CRYL1: variants seen among roughly 807,000 people sequenced by gnomAD.
CRYL1 encodes lambda-crystallin homolog.
CRYL1 carries 29 observed loss-of-function variants against 36.6 expected under a neutral mutation model. The ratio of observed to expected loss-of-function variants is 0.79; its 90% CI spans 0.59 to 1.08. The LOEUF is 1.08. CRYL1 is among the 50% of genes least tolerant of loss of function. The probability of loss-of-function intolerance (pLI) is 0.00; values close to 1 mark genes in which losing one functional copy is unlikely to be tolerated. For synonymous variants in CRYL1, 152 were observed against 151.5 expected (o/e 1.00, Z -0.02); for missense variants, 411 against 407.9 (o/e 1.01, Z -0.06).
intron 2 of CRYL1, among the ~76,000 whole-genome samples, chr13:20,494,546 TC>T (rs1343639959): frequency 6.6e-6 from 1 of 152,178 alleles, no homozygotes; most frequent in East Asian, 1.9e-4. Context: ...AACCATTGCA[TC>T]CTTTAGGAAA....
intron 3 of CRYL1, among the ~76,000 whole-genome samples, chr13:20,453,632 A>C (rs1223821914): frequency 2.6e-5 from 4 of 152,118 alleles, no homozygotes; most frequent in Non-Finnish European, 1.5e-5. Context: ...CAAAGAAAGG[A>C]AGAAGAAAAC....
intron 3 of CRYL1, among the ~76,000 whole-genome samples, chr13:20,485,759 T>A (rs1012626703): frequency 6.6e-6 from 1 of 151,800 alleles, no homozygotes; most frequent in African/African-American, 2.4e-5. Flanking sequence ...AATGAACTGC[T>A]GATTCTTTTT....
At chr13:20,407,134 A>C (rs907192651) in intron 6 of CRYL1, among the ~76,000 whole-genome samples, 18 of 151,102 alleles carry the variant, frequency 1.2e-4, no homozygotes, top group African/African-American at 3.9e-4. Context: ...GCTGGAATTC[A>C]TAATAGTGCA....
rs570709211 is a variant in CRYL1, at chr13:20,428,834, A to G, written c.633+3268T>C. Among the ~76,000 whole-genome samples the G allele has an allele frequency of 3.9e-5, 6 of 152,312 alleles. No individual in the cohort carries two copies. The South Asian group carries it at 1.2e-3, about 32-fold the overall frequency. On this transcript the variant is annotated intron_variant, in intron 5 of 7. Transcript: ENST00000298248. Reference sequence around the variant, plus strand: ...ACCCAGTACCCACACGCCTGGACACAGGCACACAGCTCATTTCCAGCAGGC... The same window carrying G: ...ACCCAGTACCCACACGCCTGGACACGGGCACACAGCTCATTTCCAGCAGGC...
chr13:20,496,663 C>A (rs1176224930), intron 2 of CRYL1, among the ~76,000 whole-genome samples: 1 of 117,834 alleles, frequency 8.5e-6, no homozygotes, highest in Non-Finnish European at 1.8e-5. Flanking sequence ...ATAATCCCAA[C>A]ACTTTGGGAG....
intron 4 of CRYL1, among the ~76,000 whole-genome samples, chr13:20,438,264 T>A (rs1315083175): frequency 1.3e-5 from 2 of 152,206 alleles, no homozygotes; most frequent in East Asian, 3.9e-4. Flanking sequence ...CTCCACATTC[T>A]AAATGGCTCT....
rs768602913 is a variant in CRYL1 at position 20,426,732 on chromosome 13, C to T, written c.633+5370G>A. On this transcript the variant is annotated intron_variant, in intron 5 of 7. Transcript: ENST00000298248. The stretch of plus-strand genomic sequence containing the variant: ...ATTTTACTACATGATCTTTGAGATA[C>T]ACTTCATTAACTAAAACAATGTCTC... The T allele has an allele frequency of 1.7e-5, 17 of 985,356 alleles. No homozygotes were observed. In the Admixed American group the frequency reaches 2.5e-4, roughly 14 times the overall value. 61.0% of individuals were successfully genotyped at this position (985,356 alleles called of 1,614,324 possible).
chr13:20,404,784 AC>A, intron 6 of CRYL1, 43 bp from the exon 7 acceptor site: 1 of 1,357,362 alleles, frequency 7.4e-7, no homozygotes, highest in Non-Finnish European at 1.1e-6. Context: ...TCAGAAAAAA[AC>A]ATTCTTAGTT....
intron 2 of CRYL1, among the ~76,000 whole-genome samples, chr13:20,506,755 A>C (rs1339990887): frequency 6.6e-6 from 1 of 152,222 alleles, no homozygotes; most frequent in Non-Finnish European, 1.5e-5. Flanking sequence ...ATGAAATGAT[A>C]ACAGAATTGA....
intron 1 of CRYL1, among the ~76,000 whole-genome samples, chr13:20,524,038 C>T (rs1170756062): frequency 6.6e-6 from 1 of 152,144 alleles, no homozygotes; most frequent in African/African-American, 2.4e-5. Flanking sequence ...AGCGCTTGCA[C>T]CCAGGAGTTC....
At chr13:20,475,555 C>T (rs1040428533) in intron 3 of CRYL1, among the ~76,000 whole-genome samples, 9 of 152,074 alleles carry the variant, frequency 5.9e-5, no homozygotes, top group Non-Finnish European at 1.3e-4. Flanking sequence ...ACGGGGGTGT[C>T]GTGAGGACTG....
intron 4 of CRYL1, among the ~76,000 whole-genome samples, chr13:20,438,383 C>T (rs945268137): frequency 6.6e-6 from 1 of 152,316 alleles, no homozygotes; most frequent in Non-Finnish European, 1.5e-5. Context: ...GACCCGTCTT[C>T]ATCCCAGGAA....
intron 2 of CRYL1, among the ~76,000 whole-genome samples, chr13:20,492,172 G>A (rs1487552694): frequency 1.3e-5 from 2 of 152,158 alleles, no homozygotes; most frequent in African/African-American, 4.8e-5. Flanking sequence ...CAGGAAAAGA[G>A]AGCACCATGT....
chr13:20,425,609 G>A lies in CRYL1; in HGVS notation c.633+6493C>T, dbSNP rs1431845851. 6.6e-6 allele frequency among the ~76,000 whole-genome samples: 1 copy of A among 152,150 alleles called. No individual in the cohort carries two copies. The highest frequency in any genetic ancestry group is 1.5e-5 in the Non-Finnish European group (1 of 68,026). ...ATGAATGTTGGTTGATAAGAGGAGA[G>A]AAGAAATCAAAGGACCATTCACCTC... is the stretch of plus-strand genomic sequence containing the variant. On this transcript the variant is annotated intron_variant, in intron 5 of 7. Transcript: ENST00000298248. This position sits in a 1 kb window ranked among gnomAD's most constrained non-coding sequence, Gnocchi z 4.4.
chr13:20,448,761 C>T (rs147917088), intron 3 of CRYL1, among the ~76,000 whole-genome samples: 127 of 152,260 alleles, frequency 8.3e-4, no homozygotes, highest in African/African-American at 2.9e-3. Context: ...CTGAGAGAAA[C>T]AACTTATGGA....
At chr13:20,524,620 G>GC (rs2034155823) in intron 1 of CRYL1, among the ~76,000 whole-genome samples, 1 of 151,990 alleles carries the variant, frequency 6.6e-6, no homozygotes, top group Non-Finnish European at 1.5e-5. Flanking sequence ...CAGATGATCC[G>GC]CCTGCCTCGG....
At chr13:20,467,894 C>T (rs749397044) in intron 3 of CRYL1, among the ~76,000 whole-genome samples, 1 of 152,160 alleles carries the variant, frequency 6.6e-6, no homozygotes, top group Non-Finnish European at 1.5e-5. Flanking sequence ...GTGAGCCGTG[C>T]GCCTGAGCTC....
At chr13:20,460,656 G>T (rs1030315238) in intron 3 of CRYL1, among the ~76,000 whole-genome samples, 2 of 151,170 alleles carry the variant, frequency 1.3e-5, no homozygotes, top group Non-Finnish European at 3.0e-5. Flanking sequence ...CTCCCAAGTA[G>T]CCGGGACTAC....
chr13:20,427,917 G>GA (rs1023824316), intron 5 of CRYL1, among the ~76,000 whole-genome samples: 29 of 151,772 alleles, frequency 1.9e-4, no homozygotes, highest in African/African-American at 7.0e-4. Context: ...CAACGACTTA[G>GA]AAGAAATGGA....
Sources: allele counts gnomAD v4.1 joint callset (sites outside exome capture counted in the v4.1 genomes callset), GRCh38; gene constraint gnomAD v4.1.1; non-coding constraint Gnocchi (gnomAD v3.1); transcripts MANE v1.5; gene names NCBI Gene and HGNC (gene_info 2026-07-23, HGNC 2026-07-21).